The following GABRB1 variants were observed in gnomAD, a reference collection of about 807,000 sequenced individuals.
GABRB1 encodes gamma-aminobutyric acid type A receptor subunit beta1, also known as gamma-aminobutyric acid receptor subunit beta-1.
GABRB1 carries 17 observed loss-of-function variants against 51.6 expected under a neutral mutation model. The ratio of observed to expected loss-of-function variants is 0.33; its 90% CI spans 0.23 to 0.49. The LOEUF is 0.49. GABRB1 is among the 20% of genes least tolerant of loss of function. The pLI, the probability that GABRB1 is intolerant of heterozygous loss-of-function variation, is 0.99. For missense variants in GABRB1, 410 were observed against 600.6 expected (o/e 0.68, Z 3.32); for synonymous variants, 247 against 218.9 (o/e 1.13, Z -1.14).
chr4:47,423,650 T>C (rs1307822682), intron 8 of GABRB1, among the ~76,000 whole-genome samples: 1 of 152,180 alleles, frequency 6.6e-6, no homozygotes, highest in Non-Finnish European at 1.5e-5. Flanking sequence ...GAAAGCAGGA[T>C]TTAAATTGAG....
rs140103408 is a variant in GABRB1, at chr4:47,363,427, G to A, written c.545-39891G>A. The stretch of plus-strand genomic sequence containing the variant: ...GGAGGAAAAGGCACATCTCAGGCCC[G>A]AAAATCAGTCTCTCTTACTTTTGGG... On this transcript the variant is annotated intron_variant, in intron 5 of 8. Transcript: ENST00000295454. Among the ~76,000 whole-genome samples, 1,414 of 152,066 alleles carry A rather than the reference G, an allele frequency of 9.3e-3. 21 individuals carry two copies. The highest frequency in any genetic ancestry group is 0.033 in the African/African-American group (1,355 of 41,488).
In GABRB1 at chr4:47,354,980, GTTTTTTTTTTTT is replaced by G. The variant is rs71195627; in HGVS notation, c.544+34785_544+34796del. Among the ~76,000 whole-genome samples, 7 of 44,240 alleles carry G rather than the reference GTTTTTTTTTTTT, an allele frequency of 1.6e-4. 1 individual carries two copies. Among genetic ancestry groups the G allele is most frequent in the African/African-American group, 3.9e-4 (4 of 10,206 alleles). The allele number at this position is 44,240 out of a possible 152,430, so 29.0% of individuals were successfully genotyped here. A position where few individuals can be genotyped will look rare whatever the true frequency, so the allele number is the denominator to read the frequency against. Reference sequence around the variant, plus strand: ...CCTTCCTTTCTTTCTTTCTTCCTTTGTTTTTTTTTTTTTTTTTTTTTTTTTGACAGAATCTCT... The same window carrying G: ...CCTTCCTTTCTTTCTTTCTTCCTTTGTTTTTTTTTTTTTGACAGAATCTCT... On this transcript the variant is annotated intron_variant, in intron 5 of 8. Transcript: ENST00000295454.
chr4:47,261,384 C>G (rs757252367), intron 4 of GABRB1, among the ~76,000 whole-genome samples: 6 of 152,290 alleles, frequency 3.9e-5, no homozygotes, highest in African/African-American at 1.4e-4. Context: ...CACAAGCATT[C>G]TTATACACCA....
chr4:47,204,750 A>G (rs1254993330), intron 4 of GABRB1, among the ~76,000 whole-genome samples: 1 of 152,062 alleles, frequency 6.6e-6, no homozygotes, highest in Admixed American at 6.6e-5. Flanking sequence ...GTAAGATGTG[A>G]CTTGTTCCTC....
At chr4:47,360,012 G>C (rs1027721535) in intron 5 of GABRB1, among the ~76,000 whole-genome samples, 1 of 151,886 alleles carries the variant, frequency 6.6e-6, no homozygotes, top group African/African-American at 2.4e-5. Flanking sequence ...CTGGGAGCCT[G>C]TTACATTAAC....
chr4:47,412,536 CA>C (rs1254978201), intron 8 of GABRB1, among the ~76,000 whole-genome samples: 6 of 152,056 alleles, frequency 3.9e-5, no homozygotes, highest in Non-Finnish European at 8.8e-5. Context: ...ATCACTGTGC[CA>C]TATAGCATTA....
intron 1 of GABRB1, among the ~76,000 whole-genome samples, chr4:47,025,921 T>G (rs1725077577): frequency 6.6e-6 from 1 of 152,024 alleles, no homozygotes; most frequent in African/African-American, 2.4e-5. Context: ...CTCAAAGCCT[T>G]TACTTGTGCT....
Position 47,287,232 on chromosome 4 carries a change from C to T in GABRB1, c.462-32895C>T, listed in dbSNP as rs529756873. Among the ~76,000 whole-genome samples the T allele has an allele frequency of 1.2e-4, 19 of 152,266 alleles. No homozygotes were observed. In the South Asian group the frequency reaches 2.5e-3, roughly 20 times the overall value. The stretch of plus-strand genomic sequence containing the variant: ...ACCCTATCATAAATGTAGCTTTCCC[C>T]GTATCTTTCCCTTTGGTTCTGTGTT... On this transcript the variant is annotated intron_variant, in intron 4 of 8. Coordinates refer to ENST00000295454, the MANE Select transcript of GABRB1 (RefSeq NM_000812.4).
At chr4:47,379,125 T>C (rs927346971) in intron 5 of GABRB1, among the ~76,000 whole-genome samples, 3 of 152,324 alleles carry the variant, frequency 2.0e-5, no homozygotes, top group Admixed American at 6.5e-5. Context: ...TAATCTTGAC[T>C]GAGCTGAGCC....
rs761179801 is a variant in GABRB1, at chr4:47,032,011, G to T, written c.172+6G>T. ...CTTGCGGCCGGACTTCGGAGGTAACGCTTCATCTTTTTTCAACCTGTAACC... is the reference window on the plus strand; with the variant it reads ...CTTGCGGCCGGACTTCGGAGGTAACTCTTCATCTTTTTTCAACCTGTAACC... On this transcript the variant is annotated splice_donor_region_variant and intron_variant, in intron 2 of 8. Transcript: ENST00000295454. The T allele has an allele frequency of 6.2e-7, 1 of 1,601,864 alleles. No homozygotes were observed. The highest frequency in any genetic ancestry group is 1.7e-5 in the Admixed American group (1 of 58,392).
At chr4:47,212,071 G>C (rs973067916) in intron 4 of GABRB1, among the ~76,000 whole-genome samples, 1 of 152,150 alleles carries the variant, frequency 6.6e-6, no homozygotes, top group Non-Finnish European at 1.5e-5. Context: ...ACCACAGCCT[G>C]AGTGGCAAAG....
intron 1 of GABRB1, among the ~76,000 whole-genome samples, chr4:47,015,630 G>T (rs780452458): frequency 1.3e-5 from 2 of 151,730 alleles, no homozygotes; most frequent in Non-Finnish European, 2.9e-5. Context: ...GACACCAAAT[G>T]GTTTCAAAGC....
intron 1 of GABRB1, among the ~76,000 whole-genome samples, chr4:47,023,220 G>A (rs904799822): frequency 5.9e-5 from 9 of 151,982 alleles, no homozygotes; most frequent in South Asian, 4.1e-4. Flanking sequence ...ATTCGTTAAC[G>A]GATACAAAAA....
chr4:47,170,667 T>C (rs1718401502), intron 4 of GABRB1, among the ~76,000 whole-genome samples: 1 of 152,178 alleles, frequency 6.6e-6, no homozygotes, highest in African/African-American at 2.4e-5. Flanking sequence ...AGAGTTGATG[T>C]AGTATTTGCA....
Position 47,320,919 on chromosome 4 carries a change from G to A in GABRB1, c.544+710G>A, listed in dbSNP as rs189326892. 8.8e-4 allele frequency among the ~76,000 whole-genome samples: 134 copies of A among 152,152 alleles called. 3 individuals carry two copies. The East Asian group carries it at 0.023, about 26-fold the overall frequency. ...AGACTGGCTGGGACTATAGGCGCCC[G>A]CCACCACGCCCAGCTAATTTTTTGT... On this transcript the variant is annotated intron_variant, in intron 5 of 8. Coordinates refer to ENST00000295454, the MANE Select transcript of GABRB1 (RefSeq NM_000812.4).
intron 5 of GABRB1, among the ~76,000 whole-genome samples, chr4:47,381,954 C>G (rs534437730): frequency 2.0e-5 from 3 of 152,192 alleles, no homozygotes; most frequent in African/African-American, 7.2e-5. Flanking sequence ...GTATCCTCCC[C>G]CCTCCAAGTA....
At chr4:47,032,135 C>CAG in intron 2 of GABRB1, 130 bp downstream of exon 2, 1 of 646,820 alleles carries the variant, frequency 1.5e-6, no homozygotes, top group Non-Finnish European at 2.7e-6. Context: ...TGGGCACACA[C>CAG]ACACACACAC....
chr4:47,163,683 A>G (rs1375621413), intron 4 of GABRB1, among the ~76,000 whole-genome samples: 1 of 151,986 alleles, frequency 6.6e-6, no homozygotes. Context: ...TACCTCCTAA[A>G]TCTAAAATTT....
chr4:47,088,026 T>C (rs554707422), intron 3 of GABRB1, among the ~76,000 whole-genome samples: 33 of 152,300 alleles, frequency 2.2e-4, no homozygotes, highest in South Asian at 6.2e-4. Flanking sequence ...AAATGTTAAG[T>C]TGGTATTATT....
Sources: gnomAD v4.1 joint callset for allele counts (sites outside exome capture counted in the v4.1 genomes callset) on GRCh38, gnomAD v4.1.1 for gene constraint, MANE v1.5 for transcripts, NCBI Gene and HGNC (gene_info 2026-07-23, HGNC 2026-07-21) for gene names.